Variants in FAT3 observed in about 807,000 individuals in gnomAD.
FAT3 encodes protocadherin Fat 3.
FAT3 carries 95 observed loss-of-function variants against 310.2 expected under a neutral mutation model. The observed-to-expected ratio is 0.31, with a 90% confidence interval of 0.26 to 0.36. The LOEUF is 0.36. Ranked by LOEUF, FAT3 falls within the 10% of genes least tolerant of loss-of-function variation. FAT3 has a pLI of 1.00. For missense variants in FAT3, 5,408 were observed against 5,715.6 expected, an observed-to-expected ratio of 0.95 and a Z score of 1.74; for synonymous variants, 2,314 against 2,192.9, an observed-to-expected ratio of 1.06 and a Z score of -1.54.
At chr11:92,507,516 T>TAC (rs1402863910) in intron 2 of FAT3, among the ~76,000 whole-genome samples, 1 of 151,950 alleles carries the variant, frequency 6.6e-6, no homozygotes, top group Admixed American at 6.6e-5. Context: ...CACATATATA[T>TAC]ACACATGTAT....
chr11:92,224,894 C>A lies in FAT3; in HGVS notation c.-298C>A, dbSNP rs1463410902. ...CCCGCAGGCTGCGCTGTGAACTGGC[C>A]TGCGGATTGGGATCTCGCGCCTCCC... On this transcript the variant is annotated 5_prime_UTR_variant, in exon 1 of 28. In the 5' UTR this introduces an upstream ATG that the reference lacks. Coordinates refer to ENST00000525166, the MANE Select transcript of FAT3 (RefSeq NM_001367949.2). 6.6e-6 allele frequency among the ~76,000 whole-genome samples: 1 copy of A among 152,062 alleles called. No individual in the cohort carries two copies. The highest frequency in any genetic ancestry group is 1.9e-4 in the East Asian group (1 of 5,162).
chr11:92,761,805 A>G lies in FAT3; in HGVS notation c.3670-51A>G, dbSNP rs1946157586. 4.5e-6 allele frequency: 7 copies of G among 1,539,818 alleles called. No homozygotes were observed. In the Admixed American group the frequency reaches 1.3e-4, roughly 28 times the overall value. On this transcript the variant is annotated intron_variant, in intron 4 of 27. Transcript: ENST00000525166. ...AGAAACACCCATAGGTTAACATGTA[A>G]TAGCAAGAATAATTTTCTCCTTTCT...
chr11:92,738,889 A>G (rs776533216), intron 4 of FAT3, among the ~76,000 whole-genome samples: 4 of 152,166 alleles, frequency 2.6e-5, no homozygotes, highest in Non-Finnish European at 4.4e-5. Flanking sequence ...CGTTGGGAAA[A>G]TCAAATGTGT....
intron 3 of FAT3, among the ~76,000 whole-genome samples, chr11:92,650,167 G>A (rs1325231241): frequency 6.6e-6 from 1 of 151,846 alleles, no homozygotes; most frequent in African/African-American, 2.4e-5. Context: ...CCAGAATGCT[G>A]GTGTCTGTTC....
intron 1 of FAT3, among the ~76,000 whole-genome samples, chr11:92,256,465 C>T (rs1865321607): frequency 6.6e-6 from 1 of 151,496 alleles, no homozygotes; most frequent in Admixed American, 6.6e-5. Flanking sequence ...CACTGTGGGT[C>T]ATAAGATAAA....
At chr11:92,757,167 G>T (rs1946021595) in intron 4 of FAT3, among the ~76,000 whole-genome samples, 1 of 151,854 alleles carries the variant, frequency 6.6e-6, no homozygotes, top group Non-Finnish European at 1.5e-5. Flanking sequence ...CAGGTGATCC[G>T]CCCACCTCGG....
At chr11:92,239,526 C>T (rs945658718) in intron 1 of FAT3, among the ~76,000 whole-genome samples, 1 of 152,112 alleles carries the variant, frequency 6.6e-6, no homozygotes, top group Non-Finnish European at 1.5e-5. Context: ...TTAACCAGTG[C>T]CCAATAAATG....
intron 3 of FAT3, among the ~76,000 whole-genome samples, chr11:92,684,077 A>C (rs776275475): frequency 6.6e-6 from 1 of 152,186 alleles, no homozygotes; most frequent in Non-Finnish European, 1.5e-5. Flanking sequence ...TGGTTTAAAA[A>C]TCCACTCTCA....
rs550760497 is a variant in FAT3 at position 92,737,255 on chromosome 11, G to A, written c.3670-24601G>A. 9.9e-5 allele frequency among the ~76,000 whole-genome samples: 15 copies of A among 152,260 alleles called. No individual in the cohort carries two copies. In the South Asian group the frequency reaches 2.9e-3, roughly 30 times the overall value. On this transcript the variant is annotated intron_variant, in intron 4 of 27. Transcript: ENST00000525166. ...CTGCTGATTACACTGTGTGACGGAGGATATACCAGCCCTTGATTTTTGTCT... is the reference window on the plus strand; with the variant it reads ...CTGCTGATTACACTGTGTGACGGAGAATATACCAGCCCTTGATTTTTGTCT...
At chr11:92,792,420 T>C (rs1947061262) in intron 8 of FAT3, among the ~76,000 whole-genome samples, 1 of 152,140 alleles carries the variant, frequency 6.6e-6, no homozygotes, top group African/African-American at 2.4e-5. Flanking sequence ...ACTATTCTGT[T>C]ATCAGCTGTG....
At chr11:92,563,208 G>A (rs1955296594) in intron 3 of FAT3, among the ~76,000 whole-genome samples, 1 of 151,880 alleles carries the variant, frequency 6.6e-6, no homozygotes, top group Admixed American at 6.6e-5. Context: ...TTGGCTTCTG[G>A]GTAGCTACTT....
Position 92,466,065 on chromosome 11 carries a change from T to G in FAT3, c.3293-58569T>G, listed in dbSNP as rs147403620. 3.3e-4 allele frequency among the ~76,000 whole-genome samples: 51 copies of G among 152,282 alleles called. No individual in the cohort carries two copies. The East Asian group carries it at 9.9e-3, about 29-fold the overall frequency. On this transcript the variant is annotated intron_variant, in intron 2 of 27. Transcript: ENST00000525166. ...TTCTATACAGCAGGTACTATTGTCC[T>G]ACCTTCCAGATGGGGAAATGGAGGC... is the stretch of plus-strand genomic sequence containing the variant.
At chr11:92,819,989 C>T (rs1335984245) in intron 13 of FAT3, among the ~76,000 whole-genome samples, 1 of 152,296 alleles carries the variant, frequency 6.6e-6, no homozygotes, top group South Asian at 2.1e-4. Context: ...CACCCCTTCC[C>T]TTGAGAGTGG....
chr11:92,815,945 G>A (rs1014380737), intron 13 of FAT3, among the ~76,000 whole-genome samples: 1 of 152,202 alleles, frequency 6.6e-6, no homozygotes, highest in African/African-American at 2.4e-5. Context: ...TGAAGAATGT[G>A]GTAATAAAGT....
rs71064722 is a variant in FAT3 at position 92,754,627 on chromosome 11, C to CAAAAAAAAAAAAAAAAAAAAAA, written c.3670-7211_3670-7210insAAAAAAAAAAAAAAAAAAAAAA. 2.0e-3 allele frequency among the ~76,000 whole-genome samples: 67 copies of CAAAAAAAAAAAAAAAAAAAAAA among 32,688 alleles called. 9 individuals carry two copies. The highest frequency in any genetic ancestry group is 0.013 in the East Asian group (13 of 1,014). 21.4% of individuals were successfully genotyped at this position (32,688 alleles called of 152,430 possible). On this transcript the variant is annotated intron_variant, in intron 4 of 27. Transcript: ENST00000525166. ...TGGGCGACAGAGGAAGACTCTGCCT[C>CAAAAAAAAAAAAAAAAAAAAAA]AAAAAAAAAAAAAAAAAAGGAGATA... is the stretch of plus-strand genomic sequence containing the variant.
intron 3 of FAT3, among the ~76,000 whole-genome samples, chr11:92,696,789 T>C (rs1943952764): frequency 6.6e-6 from 1 of 152,226 alleles, no homozygotes; most frequent in Admixed American, 6.5e-5. Flanking sequence ...AAAAGGTAGA[T>C]ATTTTTCATG....
chr11:92,603,383 T>C (rs1940123639), intron 3 of FAT3, among the ~76,000 whole-genome samples: 1 of 152,226 alleles, frequency 6.6e-6, no homozygotes, highest in African/African-American at 2.4e-5. Context: ...AATAATGAAT[T>C]GTGTTCATCT....
At chr11:92,339,063 GT>G (rs1948169599) in intron 1 of FAT3, among the ~76,000 whole-genome samples, 1 of 152,100 alleles carries the variant, frequency 6.6e-6, no homozygotes, top group Non-Finnish European at 1.5e-5. Context: ...TTTGGGAGTT[GT>G]TTTTTTCTAT....
Position 92,353,833 on chromosome 11 carries a change from A to G in FAT3, c.1721A>G (p.Asn574Ser). ...ATTCGAATAGGAAATGTCAACGACA[A>G]CAGCCCTCTCTTTGAAAAAGTGGCT... ...VTIRIGNVND[N>S]SPLFEKVACQ... Residue 574 changes from asparagine (N) to serine (S), a missense_variant, in exon 2 of 28, where the codon AAC (asparagine) becomes AGC (serine). Physicochemically the swap from Asn to Ser is conservative, Grantham distance 46. Around this residue, in one of 5 missense-constraint regions of FAT3, gnomAD observed 4,588 missense variants for 4,809.8 expected, o/e 0.95. Transcript: ENST00000525166. 1 of 1,613,802 alleles carries G rather than the reference A, an allele frequency of 6.2e-7. No homozygotes were observed. Among genetic ancestry groups the G allele is most frequent in the East Asian group, 2.2e-5 (1 of 44,870 alleles).
Sources: allele counts gnomAD v4.1 joint callset (sites outside exome capture counted in the v4.1 genomes callset), GRCh38; gene constraint gnomAD v4.1.1; regional missense constraint gnomAD v4.1.1; transcripts MANE v1.5; gene names NCBI Gene and HGNC (gene_info 2026-07-23, HGNC 2026-07-21).